LRRC69: variants seen among roughly 807,000 people sequenced by gnomAD.
The protein encoded by LRRC69 is leucine-rich repeat-containing protein 69.
In LRRC69, 42 loss-of-function variants were observed where a neutral mutation model predicts 37.8. That is an observed-to-expected ratio of 1.11 (90% CI 0.87 to 1.44). LRRC69 has a LOEUF of 1.44. LRRC69 is among the 40% of genes most tolerant of loss of function. The probability of loss-of-function intolerance (pLI) is 0.00; values close to 1 mark genes in which losing one functional copy is unlikely to be tolerated. For synonymous variants in LRRC69, 141 were observed against 143.1 expected (o/e 0.99, Z 0.11); for missense variants, 357 against 401.9 (o/e 0.89, Z 0.96).
chr8:91,163,865 A>G (rs1244121109), intron 5 of LRRC69, among the ~76,000 whole-genome samples: 1 of 151,372 alleles, frequency 6.6e-6, no homozygotes, highest in Non-Finnish European at 1.5e-5. Flanking sequence ...CACACTTTTC[A>G]TATCTTCTAT....
chr8:91,180,104 A>G (rs142147090), intron 5 of LRRC69, among the ~76,000 whole-genome samples: 1 of 152,312 alleles, frequency 6.6e-6, no homozygotes, highest in African/African-American at 2.4e-5. Context: ...TAGCTGTATA[A>G]CACATTACCC....
chr8:91,150,097 C>T (rs532165961), intron 5 of LRRC69, among the ~76,000 whole-genome samples: 4,503 of 151,962 alleles, frequency 0.03, 239 homozygotes, highest in African/African-American at 0.1. Context: ...GCCTGATTGC[C>T]CTGGCCAGAA....
exon 2 of LRRC69, chr8:91,124,513 A>G: frequency 6.5e-7 from 1 of 1,539,496 alleles, no homozygotes. Flanking sequence ...TAAATCTGGG[A>G]AACAACCTTT....
In LRRC69 at chr8:91,157,172, T is replaced by C. The variant is rs1392933986; in HGVS notation, c.651+21433T>C. The C allele has an allele frequency of 5.2e-6, 4 of 762,024 alleles. 1 individual carries two copies. The highest frequency in any genetic ancestry group is 4.6e-5 in the South Asian group (3 of 65,904). 47.2% of individuals were successfully genotyped at this position (762,024 alleles called of 1,614,324 possible). ...GTGAAGAGTGTCATTGGTATTTTGATAGGGATTGCTTCGAATCTGTAGATT... is the reference window on the plus strand; with the variant it reads ...GTGAAGAGTGTCATTGGTATTTTGACAGGGATTGCTTCGAATCTGTAGATT... On this transcript the variant is annotated intron_variant, in intron 5 of 7. Coordinates refer to ENST00000448384, the Ensembl canonical transcript of LRRC69.
intron 7 of LRRC69, among the ~76,000 whole-genome samples, chr8:91,217,031 T>C (rs1177545614): frequency 1.3e-5 from 2 of 152,148 alleles, no homozygotes; most frequent in Non-Finnish European, 2.9e-5. Context: ...TCTTGCTTAA[T>C]ATGCAGCCTA....
intron 5 of LRRC69, among the ~76,000 whole-genome samples, chr8:91,168,620 A>T (rs1048009526): frequency 6.6e-6 from 1 of 151,908 alleles, no homozygotes; most frequent in East Asian, 1.9e-4. Flanking sequence ...GCTAAGCAGG[A>T]TGGACCTCTG....
chr8:91,109,477 G>A (rs4129720), intron 1 of LRRC69, among the ~76,000 whole-genome samples: 79,381 of 151,802 alleles, frequency 0.52, 21,409 homozygotes, highest in South Asian at 0.66. Context: ...AAACACTTAA[G>A]ATTTTACATT....
intron 4 of LRRC69, among the ~76,000 whole-genome samples, chr8:91,134,535 G>A (rs1813871165): frequency 6.6e-6 from 1 of 151,670 alleles, no homozygotes; most frequent in African/African-American, 2.4e-5. Context: ...CCCAGCAACA[G>A]TGAACATGTA....
chr8:91,127,754 ACT>A (rs1456900083), intron 3 of LRRC69, among the ~76,000 whole-genome samples: 2 of 151,816 alleles, frequency 1.3e-5, no homozygotes, highest in Admixed American at 1.3e-4. Context: ...TGGAGAGAGA[ACT>A]CTGTTCAGGT....
chr8:91,135,652 C>G lies in LRRC69; in HGVS notation c.580-16C>G. The G allele has an allele frequency of 7.1e-7, 1 of 1,410,774 alleles. No homozygotes were observed. The highest frequency in any genetic ancestry group is 1.4e-5 in the South Asian group (1 of 70,530). 87.4% of individuals were successfully genotyped at this position (1,410,774 alleles called of 1,614,324 possible). A position where few individuals can be genotyped will look rare whatever the true frequency, so the allele number is the denominator to read the frequency against. On this transcript the variant is annotated splice_polypyrimidine_tract_variant and intron_variant, in intron 4 of 7. Transcript: ENST00000448384. ...ATTAGATTTAAAAAATCTCTCTCTT[C>G]TGTTTTCTGACACAGGAACTTTGTG... is the stretch of plus-strand genomic sequence containing the variant.
chr8:91,115,291 T>C (rs1813492105), intron 1 of LRRC69, among the ~76,000 whole-genome samples: 1 of 151,994 alleles, frequency 6.6e-6, no homozygotes, highest in African/African-American at 2.4e-5. Context: ...GATTTTCTTT[T>C]GCAGGCCATC....
chr8:91,179,530 A>ATAT (rs1422985916), intron 5 of LRRC69, among the ~76,000 whole-genome samples: 3 of 152,208 alleles, frequency 2.0e-5, no homozygotes, highest in African/African-American at 7.2e-5. Flanking sequence ...AGAGACACAG[A>ATAT]TTCATAACAT....
intron 5 of LRRC69, among the ~76,000 whole-genome samples, chr8:91,176,134 A>ATATTTTT: frequency 7.4e-4 from 56 of 75,698 alleles, no homozygotes; most frequent in Admixed American, 2.3e-3. Context: ...ATATATATAT[A>ATATTTTT]TTTTTTTTTT....
chr8:91,181,367 A>T (rs1809321442), intron 5 of LRRC69, among the ~76,000 whole-genome samples: 2 of 152,180 alleles, frequency 1.3e-5, no homozygotes, highest in Non-Finnish European at 2.9e-5. Flanking sequence ...GGTGGAATTA[A>T]AATTCCATCC....
chr8:91,123,343 TAGA>T, intron 1 of LRRC69, among the ~76,000 whole-genome samples: 1 of 152,162 alleles, frequency 6.6e-6, no homozygotes, highest in African/African-American at 2.4e-5. Context: ...ACATTTACAA[TAGA>T]AGAAGGCCTC....
intron 5 of LRRC69, among the ~76,000 whole-genome samples, chr8:91,162,565 T>C (rs1233595330): frequency 6.6e-6 from 1 of 151,502 alleles, no homozygotes; most frequent in Non-Finnish European, 1.5e-5. Flanking sequence ...AATGTAAGTA[T>C]AGTTACTCCT....
chr8:91,199,650 G>A (rs1157764735), intron 6 of LRRC69, among the ~76,000 whole-genome samples: 1 of 151,936 alleles, frequency 6.6e-6, no homozygotes, highest in African/African-American at 2.4e-5. Flanking sequence ...TTTCACTTTT[G>A]TTGGGAAAAA....
chr8:91,144,636 G>T (rs1808585693), intron 5 of LRRC69, among the ~76,000 whole-genome samples: 1 of 151,676 alleles, frequency 6.6e-6, no homozygotes, highest in Non-Finnish European at 1.5e-5. Context: ...TTCTTTTCTT[G>T]GATATTTTTA....
intron 1 of LRRC69, among the ~76,000 whole-genome samples, chr8:91,114,644 C>T (rs896715810): frequency 1.3e-5 from 2 of 151,940 alleles, no homozygotes; most frequent in Non-Finnish European, 2.9e-5. Flanking sequence ...GTATTCAGTA[C>T]AGTAACATGC....
Sources: gnomAD v4.1 joint callset for allele counts (sites outside exome capture counted in the v4.1 genomes callset) on GRCh38, gnomAD v4.1.1 for gene constraint, MANE v1.5 for transcripts, NCBI Gene and HGNC (gene_info 2026-07-23, HGNC 2026-07-21) for gene names.